The following CYP2J2 variants were observed in gnomAD, a reference collection of about 807,000 sequenced individuals.
CYP2J2 encodes the protein cytochrome P450 family 2 subfamily J member 2.
In CYP2J2, 41 loss-of-function variants were observed where a neutral mutation model predicts 48.8. That is an observed-to-expected ratio of 0.84 (90% CI 0.66 to 1.09). The LOEUF (loss-of-function observed/expected upper bound fraction) is 1.09. Ranked by LOEUF, CYP2J2 falls within the 50% of genes least tolerant of loss-of-function variation. The pLI is 0.00. For synonymous variants in CYP2J2, 221 were observed against 227.1 expected, an observed-to-expected ratio of 0.97 and a Z score of 0.24; for missense variants, 644 against 617.3, an observed-to-expected ratio of 1.04 and a Z score of -0.46.
chr1:59,920,704 G>A (rs1574260854), intron 1 of CYP2J2, among the ~76,000 whole-genome samples: 5 of 152,142 alleles, frequency 3.3e-5, no homozygotes, highest in South Asian at 4.1e-4. Context: ...GGGAGGTGAT[G>A]TAAGGGAGTG....
intron 1 of CYP2J2, among the ~76,000 whole-genome samples, chr1:59,919,485 G>A (rs957868418): frequency 7.2e-5 from 11 of 152,246 alleles, no homozygotes; most frequent in African/African-American, 2.6e-4. Context: ...ACAAAGACAG[G>A]TAAGATTCTC....
At chr1:59,968,056 C>T in the CYP2J2 span, among the ~76,000 whole-genome samples, 7 of 152,174 alleles carry the variant, frequency 4.6e-5, no homozygotes, top group Admixed American at 2.6e-4. Flanking sequence ...CTGAAAGTGA[C>T]GCAGGTAATT....
At position 59,915,993 on chromosome 1, in the gene CYP2J2, T is replaced by A; in HGVS notation, c.318A>T (p.Gln106His). 6.2e-7 allele frequency: 1 copy of A among 1,614,000 alleles called. No individual in the cohort carries two copies. Among genetic ancestry groups the A allele is most frequent in the Non-Finnish European group, 8.5e-7 (1 of 1,179,922 alleles). Residue 106 changes from glutamine (Q) to histidine (H), a missense_variant, in exon 2 of 9, where the codon CAA (glutamine) becomes CAT (histidine). By Grantham distance (24) the Gln-to-His change is conservative. Transcript: ENST00000371204. ...LIKEALIHMD[Q>H]NFGNRPVTPM... ...GGGTCACGGGGCGGTTCCCAAAGTT[T>A]TGGTCCATGTGGATAAGGGCTTCTT...
chr1:59,921,501 C>A (rs1411613671), intron 1 of CYP2J2, among the ~76,000 whole-genome samples: 1 of 152,054 alleles, frequency 6.6e-6, no homozygotes, highest in Admixed American at 6.5e-5. Context: ...TGGAATGCAA[C>A]CCTTGTGGAG....
the CYP2J2 span, among the ~76,000 whole-genome samples, chr1:59,949,642 T>C: frequency 6.6e-6 from 1 of 150,568 alleles, no homozygotes; most frequent in Non-Finnish European, 1.5e-5. Context: ...TAACCCCCAA[T>C]CACTAGAGGG....
the CYP2J2 span, among the ~76,000 whole-genome samples, chr1:59,955,264 CCATAT>C: frequency 4.1e-5 from 1 of 24,222 alleles, no homozygotes; most frequent in Admixed American, 5.8e-4. Flanking sequence ...ATATATATAT[CCATAT>C]ATATATATCC....
intron 1 of CYP2J2, among the ~76,000 whole-genome samples, chr1:59,926,054 G>A (rs566773494): frequency 6.6e-6 from 1 of 152,142 alleles, no homozygotes; most frequent in African/African-American, 2.4e-5. Flanking sequence ...AGCAGAGGAA[G>A]AACATTTTAA....
At chr1:59,961,625 T>A in the CYP2J2 span, among the ~76,000 whole-genome samples, 1 of 152,060 alleles carries the variant, frequency 6.6e-6, no homozygotes, top group African/African-American at 2.4e-5. Context: ...CAGCTATATA[T>A]AATGAAAAAT....
intron 4 of CYP2J2, 31 bp from the exon 5 acceptor site, chr1:59,909,991 A>G: frequency 1.3e-6 from 2 of 1,534,996 alleles, no homozygotes; most frequent in Non-Finnish European, 8.8e-7. Flanking sequence ...AATCATGCAG[A>G]TAACATGGTG....
chr1:59,904,156 A>G (rs766719550), intron 7 of CYP2J2, among the ~76,000 whole-genome samples: 2 of 152,138 alleles, frequency 1.3e-5, no homozygotes, highest in Non-Finnish European at 2.9e-5. Context: ...GTGGATCACG[A>G]GGTCAAGAGA....
the CYP2J2 span, among the ~76,000 whole-genome samples, chr1:59,965,997 G>T: frequency 6.6e-6 from 1 of 152,188 alleles, no homozygotes; most frequent in African/African-American, 2.4e-5. Flanking sequence ...GTGATTTTAT[G>T]TTAGTTGAGT....
chr1:59,947,183 A>G, the CYP2J2 span, among the ~76,000 whole-genome samples: 1 of 152,050 alleles, frequency 6.6e-6, no homozygotes, highest in Admixed American at 6.6e-5. Context: ...ACATAGAGGT[A>G]TGAGGTTAGG....
chr1:59,952,078 C>T, the CYP2J2 span, among the ~76,000 whole-genome samples: 1 of 152,002 alleles, frequency 6.6e-6, no homozygotes, highest in Admixed American at 6.6e-5. Context: ...TTAACCAGGC[C>T]CACCCTGGTC....
At chr1:59,911,240 T>C (rs1644411159) in intron 4 of CYP2J2, among the ~76,000 whole-genome samples, 1 of 152,004 alleles carries the variant, frequency 6.6e-6, no homozygotes, top group Admixed American at 6.6e-5. Flanking sequence ...AGAAAGAGGA[T>C]ACAGAAGAGA....
rs749597933 is a variant in CYP2J2 at position 59,893,713 on chromosome 1, A to T, written c.1447T>A (p.Phe483Ile). The part of the protein sequence containing the change: ...PPNNEKLSLK[F>I]RMGITISPVS... ...GGGGAAATGGTGATACCCATTCTAAACTTCAGGCTCAGCTTCTCATTGTTT... is the reference window on the plus strand; with the variant it reads ...GGGGAAATGGTGATACCCATTCTAATCTTCAGGCTCAGCTTCTCATTGTTT... Residue 483 changes from phenylalanine (F) to isoleucine (I), a missense_variant, in exon 9 of 9, where the codon TTT becomes ATT. Physicochemically the swap from Phe to Ile is conservative, Grantham distance 21. Coordinates refer to ENST00000371204, the MANE Select transcript of CYP2J2 (RefSeq NM_000775.4). 23 of 1,613,370 alleles carry T rather than the reference A, an allele frequency of 1.4e-5. No homozygotes were observed. The highest frequency in any genetic ancestry group is 1.9e-5 in the Non-Finnish European group (22 of 1,179,728).
rs139959831 is a variant in CYP2J2 at position 59,909,760 on chromosome 1, A to G, written c.861+24T>C. 4.7e-5 allele frequency: 73 copies of G among 1,550,634 alleles called. No homozygotes were observed. The East Asian group carries it at 9.7e-4, about 21-fold the overall frequency. ...TCTATTTGTGCTCTAAGAACAAAAT[A>G]CAAAATGACTTTGGTTTTCTCACCT... On this transcript the variant is annotated intron_variant, in intron 5 of 8. Transcript: ENST00000371204.
At chr1:59,951,711 C>T in the CYP2J2 span, among the ~76,000 whole-genome samples, 3 of 152,178 alleles carry the variant, frequency 2.0e-5, no homozygotes, top group Non-Finnish European at 4.4e-5. Flanking sequence ...TGAAAGTAAG[C>T]TCTGAGGGTC....
At chr1:59,953,522 G>GTA in the CYP2J2 span, among the ~76,000 whole-genome samples, 1 of 152,024 alleles carries the variant, frequency 6.6e-6, no homozygotes, top group African/African-American at 2.4e-5. Flanking sequence ...GTGTGTGTGT[G>GTA]TGTATGTGTG....
At chr1:59,914,035 A>G (rs1275378145) in intron 2 of CYP2J2, among the ~76,000 whole-genome samples, 1 of 151,980 alleles carries the variant, frequency 6.6e-6, no homozygotes, top group Non-Finnish European at 1.5e-5. Flanking sequence ...GGGGCTTTTC[A>G]TTTTCTATTC....
Sources: gnomAD v4.1 joint callset for allele counts (sites outside exome capture counted in the v4.1 genomes callset) on GRCh38, gnomAD v4.1.1 for gene constraint, MANE v1.5 for transcripts, NCBI Gene and HGNC (gene_info 2026-07-23, HGNC 2026-07-21) for gene names.